Variants in PFKM observed in about 807,000 individuals in gnomAD.
The protein encoded by PFKM is phosphofructokinase, muscle.
A neutral mutation model predicts 95.5 loss-of-function variants in PFKM; 58 were observed. The observed-to-expected ratio is 0.61, with a 90% CI of 0.49 to 0.76. PFKM has a LOEUF of 0.76. Ranked by LOEUF, PFKM falls within the 30% of genes least tolerant of loss-of-function variation. PFKM has a pLI of 0.00. For missense variants in PFKM, 678 were observed against 1,005.4 expected, an observed-to-expected ratio of 0.67 and a Z score of 4.40; for synonymous variants, 336 against 357.2, an observed-to-expected ratio of 0.94 and a Z score of 0.67.
In PFKM at chr12:48,146,380, T is replaced by A. The variant is rs1951042840; in HGVS notation, c.*672T>A. On this transcript the variant is annotated 3_prime_UTR_variant, in exon 23 of 23. Transcript: ENST00000359794. Reference sequence around the variant, plus strand: ...CACAGTTCTTTAGTGGGAAGAGAAATTAACAATAAATATCAAGCACTGTGG... The same window carrying A: ...CACAGTTCTTTAGTGGGAAGAGAAAATAACAATAAATATCAAGCACTGTGG... The A allele has an allele frequency of 6.5e-6, 1 of 153,012 alleles. No homozygotes were observed. The highest frequency in any genetic ancestry group is 2.4e-5 in the African/African-American group (1 of 41,446). 9.5% of individuals were successfully genotyped at this position (153,012 alleles called of 1,614,324 possible). A position where few individuals can be genotyped will look rare whatever the true frequency, so the allele number is the denominator to read the frequency against.
chr12:48,137,911 A>C, intron 11 of PFKM, 65 bp downstream of exon 11: 1 of 1,550,652 alleles, frequency 6.4e-7, no homozygotes, highest in Non-Finnish European at 8.9e-7. Context: ...CTCAAGGGGC[A>C]TGAGACTATG....
upstream of PFKM, among the ~76,000 whole-genome samples, chr12:48,115,839 T>C (rs1426905846): frequency 6.6e-6 from 1 of 152,256 alleles, no homozygotes; most frequent in Non-Finnish European, 1.5e-5. Flanking sequence ...ATTCTTTAGT[T>C]GATGGACTTT....
rs551873269 is a variant in PFKM at position 48,144,172 on chromosome 12, G to A, written c.1992+15G>A. ...ACATGCAGCAGGTAGGGAAGACACC[G>A]TAGTCATGCCCTTCATCAGACAGCC... On this transcript the variant is annotated intron_variant, in intron 20 of 22. Transcript: ENST00000359794. 10 of 1,524,622 alleles carry A rather than the reference G, an allele frequency of 6.6e-6. No individual in the cohort carries two copies. Among genetic ancestry groups the A allele is most frequent in the South Asian group, 3.4e-5 (3 of 89,288 alleles). The allele number at this position is 1,524,622 out of a possible 1,614,324, so 94.4% of individuals were successfully genotyped here. A position where few individuals can be genotyped will look rare whatever the true frequency, so the allele number is the denominator to read the frequency against.
At chr12:48,134,429 T>A (rs1949859847) in intron 7 of PFKM, among the ~76,000 whole-genome samples, 153 bp downstream of exon 7, 1 of 152,220 alleles carries the variant, frequency 6.6e-6, no homozygotes, top group East Asian at 1.9e-4. Context: ...CCATCCCCTC[T>A]GTTACATCCC....
chr12:48,139,707 C>G, intron 12 of PFKM, 142 bp from the exon 13 acceptor site: 1 of 716,756 alleles, frequency 1.4e-6, no homozygotes, highest in Admixed American at 2.0e-5. Context: ...CCTGCCCTGT[C>G]CCTGCTCTGC....
intron 4 of PFKM, among the ~76,000 whole-genome samples, chr12:48,132,528 T>A (rs1949615386): frequency 2.0e-5 from 3 of 152,210 alleles, no homozygotes; most frequent in African/African-American, 7.2e-5. Flanking sequence ...AAGACTGAAG[T>A]CACTGCTTCT....
At chr12:48,106,686 C>T (rs1946654540) in intron 1 of PFKM, among the ~76,000 whole-genome samples, 1 of 139,918 alleles carries the variant, frequency 7.1e-6, no homozygotes, top group South Asian at 2.3e-4. Context: ...CCACCTCATA[C>T]TTGATTGACC....
chr12:48,113,935 A>G (rs750774102), intron 3 of PFKM, among the ~76,000 whole-genome samples: 1 of 152,162 alleles, frequency 6.6e-6, no homozygotes, highest in Non-Finnish European at 1.5e-5. Flanking sequence ...TAAGCCGGCC[A>G]TGAACTGGGC....
chr12:48,142,716 A>AAT (rs1290680224), intron 17 of PFKM, 66 bp from the exon 18 acceptor site: 7 of 1,425,490 alleles, frequency 4.9e-6, no homozygotes, highest in Non-Finnish European at 6.0e-6. Flanking sequence ...AATGGCAAAG[A>AAT]TTAAAGAGTG....
exon 1 of PFKM, chr12:48,106,111 C>G: frequency 1.4e-6 from 1 of 702,730 alleles, no homozygotes; most frequent in Non-Finnish European, 2.6e-6. Context: ...ACCGGAACCG[C>G]CTTCACAGCA....
chr12:48,141,771 A>G lies in PFKM; in HGVS notation c.1444A>G (p.Ser482Gly). ...TLPKKSFEQI[S>G]ANITKFNIQG... ...ACCCAAGAAGAGCTTTGAACAGATC[A>G]GTGCCAATATAACTAAGTTTAACAT... Residue 482 changes from serine to glycine, a missense_variant, in exon 16 of 23, where the codon AGT becomes GGT. Transcript: ENST00000359794. 1 of 1,613,692 alleles carries G rather than the reference A, an allele frequency of 6.2e-7. No individual in the cohort carries two copies. Among genetic ancestry groups the G allele is most frequent in the Non-Finnish European group, 8.5e-7 (1 of 1,179,598 alleles).
At chr12:48,109,502 T>G (rs1489759075) in intron 3 of PFKM, among the ~76,000 whole-genome samples, 1 of 152,236 alleles carries the variant, frequency 6.6e-6, no homozygotes, top group Non-Finnish European at 1.5e-5. Flanking sequence ...TTTATTGAAT[T>G]TGTACAGATT....
upstream of PFKM, among the ~76,000 whole-genome samples, chr12:48,118,104 G>C (rs1373331148): frequency 6.6e-6 from 1 of 152,200 alleles, no homozygotes; most frequent in Non-Finnish European, 1.5e-5. Context: ...CAGACTTAAA[G>C]AGTCTGTTCT....
chr12:48,129,554 A>G (rs970628851), intron 2 of PFKM, among the ~76,000 whole-genome samples: 2 of 152,228 alleles, frequency 1.3e-5, no homozygotes, highest in Non-Finnish European at 2.9e-5. Flanking sequence ...ACACTTGGTC[A>G]CAGCCTCTTC....
intron 1 of PFKM, chr12:48,122,444 C>G: frequency 2.1e-6 from 1 of 470,846 alleles, no homozygotes; most frequent in Non-Finnish European, 3.2e-6. Flanking sequence ...TTTCTCCTCC[C>G]TTTCTCATTT....
In PFKM at chr12:48,145,990, C is replaced by T. The variant is rs8977; in HGVS notation, c.*282C>T. 1,567 of 425,168 alleles carry T rather than the reference C, an allele frequency of 3.7e-3. 24 individuals carry two copies. The highest frequency in any genetic ancestry group is 0.027 in the African/African-American group (1,395 of 50,728). 26.3% of individuals were successfully genotyped at this position (425,168 alleles called of 1,614,324 possible). ...ATATCACTTACTCAGTTAGAATTTT[C>T]CTAAAAATAAGCTTTATTTATTTCT... is the stretch of plus-strand genomic sequence containing the variant. On this transcript the variant is annotated 3_prime_UTR_variant, in exon 23 of 23. Transcript: ENST00000359794. This position sits in a 1 kb window ranked among gnomAD's most constrained non-coding sequence, Gnocchi z 4.3.
chr12:48,135,535 TC>T (rs1345278976), intron 10 of PFKM, 152 bp downstream of exon 10: 2 of 613,704 alleles, frequency 3.3e-6, no homozygotes, highest in African/African-American at 3.7e-5. Context: ...ACTGACCCAT[TC>T]CCATACACTT....
chr12:48,130,222 T>G (rs1949327314), intron 2 of PFKM, 141 bp from the exon 3 acceptor site: 1 of 744,532 alleles, frequency 1.3e-6, no homozygotes, highest in Non-Finnish European at 2.5e-6. Context: ...AAGACTTTGA[T>G]GAGAGGATTA....
At chr12:48,143,935 C>A in intron 19 of PFKM, 111 bp from the exon 20 acceptor site, 1 of 1,101,492 alleles carries the variant, frequency 9.1e-7, no homozygotes. Flanking sequence ...GGGGGCCAGC[C>A]TATCCCTTGA....
Sources: allele counts gnomAD v4.1 joint callset (sites outside exome capture counted in the v4.1 genomes callset), GRCh38; gene constraint gnomAD v4.1.1; non-coding constraint Gnocchi (gnomAD v3.1); transcripts MANE v1.5; gene names NCBI Gene and HGNC (gene_info 2026-07-23, HGNC 2026-07-21).